FNIP1: variants seen among roughly 807,000 people sequenced by gnomAD.
FNIP1 encodes the protein folliculin interacting protein 1, also known as folliculin-interacting protein 1.
A neutral mutation model predicts 124.5 loss-of-function variants in FNIP1; 40 were observed. That is an observed-to-expected ratio of 0.32 (90% CI 0.25 to 0.42). The LOEUF (loss-of-function observed/expected upper bound fraction) is 0.42, where lower values mean the gene tolerates loss of function less well. Among genes scored for constraint, FNIP1 ranks in the 10% least tolerant of loss-of-function variants. FNIP1 has a pLI of 1.00. For missense variants in FNIP1, 1,176 were observed against 1,403.7 expected (o/e 0.84, Z 2.59); for synonymous variants, 472 against 470.6 (o/e 1.00, Z -0.04).
chr5:131,729,562 A>C (rs1770005542), intron 3 of FNIP1, among the ~76,000 whole-genome samples: 1 of 152,146 alleles, frequency 6.6e-6, no homozygotes, highest in Non-Finnish European at 1.5e-5. Flanking sequence ...CTATTTGGCC[A>C]TCTTGCCAGC....
chr5:131,756,544 A>C (rs1460830514), intron 1 of FNIP1, among the ~76,000 whole-genome samples: 1 of 152,196 alleles, frequency 6.6e-6, no homozygotes, highest in Non-Finnish European at 1.5e-5. Flanking sequence ...AATCAGAGAG[A>C]ATTTTTGGAT....
intron 15 of FNIP1, 76 bp from the exon 16 acceptor site, chr5:131,652,075 G>A: frequency 1.4e-6 from 2 of 1,392,230 alleles, no homozygotes; most frequent in South Asian, 1.3e-5. Flanking sequence ...AGCAATGAAG[G>A]TTTACTAAAC....
chr5:131,776,340 C>A (rs1219396898), intron 1 of FNIP1, among the ~76,000 whole-genome samples: 1 of 152,164 alleles, frequency 6.6e-6, no homozygotes. Flanking sequence ...AACTTTGGAA[C>A]TGTCATATAA....
At position 131,703,715 on chromosome 5, in the gene FNIP1, G is replaced by A. The variant is rs371861830; in HGVS notation, c.1116+350C>T. ...CAGGATCCCTTATATACCGTTCTCC[G>A]TTTTATTTTTCTTCACAGGACTTAT... On this transcript the variant is annotated intron_variant, in intron 10 of 17. Transcript: ENST00000510461. Among the ~76,000 whole-genome samples the A allele has an allele frequency of 1.5e-3, 224 of 152,182 alleles. 10 individuals carry two copies. In the South Asian group the frequency reaches 0.043, roughly 29 times the overall value.
intron 1 of FNIP1, among the ~76,000 whole-genome samples, chr5:131,775,396 G>A (rs115341229): frequency 4.0e-5 from 6 of 151,272 alleles, no homozygotes; most frequent in African/African-American, 1.2e-4. Context: ...AAATCCCAAA[G>A]CATCTTTTAT....
chr5:131,786,324 AT>A (rs1772217431), intron 1 of FNIP1, among the ~76,000 whole-genome samples: 1 of 152,264 alleles, frequency 6.6e-6, no homozygotes, highest in Non-Finnish European at 1.5e-5. Flanking sequence ...CTAGTGAAGT[AT>A]TAATATAGAT....
chr5:131,654,681 G>A (rs1250078831), intron 15 of FNIP1, among the ~76,000 whole-genome samples: 1 of 152,212 alleles, frequency 6.6e-6, no homozygotes, highest in Non-Finnish European at 1.5e-5. Context: ...GTTTCGCAGT[G>A]AAAGGGACAT....
At chr5:131,775,378 A>G (rs910049575) in intron 1 of FNIP1, among the ~76,000 whole-genome samples, 1 of 152,050 alleles carries the variant, frequency 6.6e-6, no homozygotes, top group Non-Finnish European at 1.5e-5. Context: ...ATTTACTGAA[A>G]AAAAGTAAAA....
At chr5:131,714,349 C>G (rs1264044139) in intron 6 of FNIP1, among the ~76,000 whole-genome samples, 1 of 152,150 alleles carries the variant, frequency 6.6e-6, no homozygotes, top group African/African-American at 2.4e-5. Flanking sequence ...CCAGCATTTT[C>G]CTCATTTTCC....
Position 131,776,550 on chromosome 5 carries a change from C to G in FNIP1, c.92+20280G>C, listed in dbSNP as rs72791152. The stretch of plus-strand genomic sequence containing the variant: ...TATCTTCACATAACAAAATACTAAA[C>G]AGCAGCAACTGCTACATGTGGCAAT... On this transcript the variant is annotated intron_variant, in intron 1 of 17. Transcript: ENST00000510461. Among the ~76,000 whole-genome samples, 1,413 of 152,288 alleles carry G rather than the reference C, an allele frequency of 9.3e-3. 5 individuals are homozygous for G. Among genetic ancestry groups the G allele is most frequent in the Non-Finnish European group, 0.015 (1,025 of 68,022 alleles).
intron 3 of FNIP1, among the ~76,000 whole-genome samples, chr5:131,723,429 G>A (rs192233924): frequency 6.6e-6 from 1 of 152,186 alleles, no homozygotes; most frequent in East Asian, 1.9e-4. Context: ...ATTGCTATGT[G>A]AATTTTATGA....
intron 11 of FNIP1, among the ~76,000 whole-genome samples, chr5:131,693,295 T>A: frequency 3.0e-5 from 1 of 32,950 alleles, no homozygotes; most frequent in Admixed American, 3.3e-4. Context: ...GCTAAATATA[T>A]ACATATATAT....
intron 1 of FNIP1, among the ~76,000 whole-genome samples, chr5:131,763,805 TG>T (rs1771324067): frequency 6.6e-6 from 1 of 152,356 alleles, no homozygotes; most frequent in South Asian, 2.1e-4. Context: ...TCCATTAATA[TG>T]CAAGCCTCAA....
intron 2 of FNIP1, among the ~76,000 whole-genome samples, chr5:131,744,152 T>C (rs888576504): frequency 1.3e-5 from 2 of 151,808 alleles, no homozygotes; most frequent in Admixed American, 6.6e-5. Flanking sequence ...GAGAGGCATA[T>C]GTTGAAATTC....
Position 131,731,108 on chromosome 5 carries a change from A to G in FNIP1, c.220-70T>C. The G allele has an allele frequency of 2.1e-6, 3 of 1,446,740 alleles. No individual in the cohort carries two copies. In the South Asian group the frequency reaches 4.3e-5, roughly 21 times the overall value. 89.6% of individuals were successfully genotyped at this position (1,446,740 alleles called of 1,614,324 possible). On this transcript the variant is annotated intron_variant, in intron 2 of 17. Coordinates refer to ENST00000510461, the MANE Select transcript of FNIP1 (RefSeq NM_133372.3). Reference sequence around the variant, plus strand: ...CCATATACAAATTTCATCAAAGTATAAAAACCTTTGGAAAAACCAAGAATG... The same window carrying G: ...CCATATACAAATTTCATCAAAGTATGAAAACCTTTGGAAAAACCAAGAATG...
At chr5:131,763,486 C>T (rs865842330) in intron 1 of FNIP1, among the ~76,000 whole-genome samples, 27 of 152,258 alleles carry the variant, frequency 1.8e-4, no homozygotes, top group South Asian at 1.0e-3. Context: ...CTGGCATCTG[C>T]TCAGCTTCTG....
chr5:131,665,475 T>G (rs1383251375), intron 15 of FNIP1, among the ~76,000 whole-genome samples: 1 of 151,832 alleles, frequency 6.6e-6, no homozygotes, highest in Non-Finnish European at 1.5e-5. Flanking sequence ...TCACTTCCAT[T>G]ATTTATATAT....
intron 3 of FNIP1, among the ~76,000 whole-genome samples, chr5:131,729,091 C>T (rs960568021): frequency 1.3e-5 from 2 of 151,988 alleles, no homozygotes; most frequent in African/African-American, 4.8e-5. Context: ...AGATGCCAGC[C>T]GGAGCTCTCC....
chr5:131,781,464 G>T (rs1382890412), intron 1 of FNIP1, among the ~76,000 whole-genome samples: 1 of 152,146 alleles, frequency 6.6e-6, no homozygotes, highest in African/African-American at 2.4e-5. Context: ...CCTGTTAGGG[G>T]CTAATGCAGC....
Sources: gnomAD v4.1 joint callset for allele counts (sites outside exome capture counted in the v4.1 genomes callset) on GRCh38, gnomAD v4.1.1 for gene constraint, MANE v1.5 for transcripts, NCBI Gene and HGNC (gene_info 2026-07-23, HGNC 2026-07-21) for gene names.